The following SLC15A2 variants were observed in gnomAD, a reference collection of about 807,000 sequenced individuals.
SLC15A2 encodes kidney H(+)/peptide cotransporter.
Under a neutral mutation model 95.5 loss-of-function variants are expected in SLC15A2, and 77 were observed. The ratio of observed to expected loss-of-function variants is 0.81; its 90% confidence interval spans 0.67 to 0.97. The LOEUF (loss-of-function observed/expected upper bound fraction) is 0.97, where lower values mean the gene tolerates loss of function less well. Among genes scored for constraint, SLC15A2 ranks in the 50% least tolerant of loss-of-function variants. SLC15A2 has a pLI of 0.00. For synonymous variants in SLC15A2, 306 were observed against 306.9 expected (o/e 1.00, Z 0.03); for missense variants, 893 against 874.4 (o/e 1.02, Z -0.27).
Position 121,915,673 on chromosome 3 carries a change from T to A in SLC15A2, c.677T>A (p.Leu226Gln), listed in dbSNP as rs1156531446. The change falls in exon 7 of 22, where the codon CTG becomes CAG. Residue 226 changes from leucine to glutamine, a missense_variant. Physicochemically the swap from Leu to Gln is moderately radical, Grantham distance 113 (BLOSUM62 -2). Coordinates refer to ENST00000489711, the MANE Select transcript of SLC15A2 (RefSeq NM_021082.4). ...GCATTGGCTTTTGGAGTTCCAGGAC[T>A]GCTCATGGTAATTGCACTTGGTAAG... ...CYALAFGVPGLLMVIALVVFA... is the reference protein window; with the variant it reads ...CYALAFGVPGQLMVIALVVFA... The A allele has an allele frequency of 8.1e-6, 13 of 1,613,650 alleles. No homozygotes were observed. The South Asian group carries it at 1.4e-4, about 18-fold the overall frequency.
At position 121,896,555 on chromosome 3, in the gene SLC15A2, A is replaced by G. The variant is rs910039542; in HGVS notation, c.193+62A>G. On this transcript the variant is annotated intron_variant, in intron 2 of 21. Transcript: ENST00000489711. ...CACCCACCCTCACCCCATGTTTGTG[A>G]CAGCCTGGTCTCTTTATATGCACTT... 3.1e-6 allele frequency: 4 copies of G among 1,278,490 alleles called. No individual in the cohort carries two copies. The African/African-American group carries it at 5.8e-5, about 19-fold the overall frequency. The allele number at this position is 1,278,490 out of a possible 1,614,324, so 79.2% of individuals were successfully genotyped here. A position where few individuals can be genotyped will look rare whatever the true frequency, so the allele number is the denominator to read the frequency against.
At chr3:121,912,022 A>G (rs1433097063) in intron 4 of SLC15A2, among the ~76,000 whole-genome samples, 1 of 152,186 alleles carries the variant, frequency 6.6e-6, no homozygotes, top group African/African-American at 2.4e-5. Context: ...TCATACTCAA[A>G]GCTTTGAATA....
At chr3:121,916,040 G>A (rs1357531) in intron 7 of SLC15A2, among the ~76,000 whole-genome samples, 67,859 of 151,860 alleles carry the variant, frequency 0.45, 15,698 homozygotes, top group East Asian at 0.69. Flanking sequence ...AATATATAGG[G>A]AAGCAAGGAA....
intron 4 of SLC15A2, 142 bp downstream of exon 4, chr3:121,911,808 C>G: frequency 3.1e-6 from 2 of 639,426 alleles, no homozygotes; most frequent in Non-Finnish European, 5.5e-6. Flanking sequence ...GTCTTATGAC[C>G]AGTTGAACTC....
At chr3:121,924,600 A>AT (rs34567530) in intron 12 of SLC15A2, among the ~76,000 whole-genome samples, 67,678 of 151,804 alleles carry the variant, frequency 0.45, 15,632 homozygotes, top group East Asian at 0.69. Flanking sequence ...TAAGCATTGG[A>AT]TTTTTTTCCA....
rs1417546671 is a variant in SLC15A2, at chr3:121,942,167, G to A, written c.*1160G>A. 3 of 152,146 alleles carry A rather than the reference G, an allele frequency of 2.0e-5. No individual in the cohort carries two copies. Among genetic ancestry groups the A allele is most frequent in the African/African-American group, 7.2e-5 (3 of 41,426 alleles). 9.4% of individuals were successfully genotyped at this position (152,146 alleles called of 1,614,324 possible). ...ATGGAAATGTCAATAGAGGAGCATG[G>A]TCCTATGTGAGGTTCCTATCAAAAT... On this transcript the variant is annotated 3_prime_UTR_variant, in exon 22 of 22. Coordinates refer to ENST00000489711, the MANE Select transcript of SLC15A2 (RefSeq NM_021082.4).
Position 121,911,626 on chromosome 3 carries a change from T to C in SLC15A2, c.388T>C (p.Leu130=), listed in dbSNP as rs764466745. 1 of 1,614,020 alleles carries C rather than the reference T, an allele frequency of 6.2e-7. No homozygotes were observed. Among genetic ancestry groups the C allele is most frequent in the South Asian group, 1.1e-5 (1 of 91,072 alleles). Residue 130 remains leucine, a synonymous_variant, in exon 4 of 22, where the codon TTG becomes CTG. Transcript: ENST00000489711. ...TGTGCTTGGCCATGTGATCAAGTCC[T>C]TGGGTGCCTTACCAATACTGGGAGG... ...VYVLGHVIKS[L]GALPILGGQV... is the part of the protein sequence containing the mutation.
chr3:121,919,232 T>C (rs571237425), intron 7 of SLC15A2, among the ~76,000 whole-genome samples: 54 of 152,308 alleles, frequency 3.5e-4, no homozygotes, highest in Non-Finnish European at 5.4e-4. Context: ...ACGGCTCTTT[T>C]ATTCCCGCTG....
Position 121,939,457 on chromosome 3 carries a change from A to T in SLC15A2, c.1870A>T (p.Met624Leu). The T allele has an allele frequency of 6.5e-7, 1 of 1,539,326 alleles. No individual in the cohort carries two copies. Among genetic ancestry groups the T allele is most frequent in the Non-Finnish European group, 8.7e-7 (1 of 1,145,634 alleles). Residue 624 changes from methionine (M) to leucine (L), a missense_variant, in exon 20 of 22, where the codon ATG becomes TTG. By Grantham distance (15) the Met-to-Leu change is conservative. Coordinates refer to ENST00000489711, the MANE Select transcript of SLC15A2 (RefSeq NM_021082.4). Reference sequence around the variant, plus strand: ...TGCCCTGGTTACAGCTGGGGAGGTCATGTTCTCTGTCACAGGTCTTGAGTT... The same window carrying T: ...TGCCCTGGTTACAGCTGGGGAGGTCTTGTTCTCTGTCACAGGTCTTGAGTT... ...QYALVTAGEV[M>L]FSVTGLEFSY...
At chr3:121,933,208 G>A (rs1205450331) in intron 19 of SLC15A2, among the ~76,000 whole-genome samples, 4 of 148,674 alleles carry the variant, frequency 2.7e-5, no homozygotes, top group African/African-American at 7.5e-5. Context: ...TGTGAATAAT[G>A]CCGCAATAAA....
intron 3 of SLC15A2, among the ~76,000 whole-genome samples, chr3:121,908,063 T>A (rs1385193925): frequency 6.6e-6 from 1 of 152,208 alleles, no homozygotes; most frequent in African/African-American, 2.4e-5. Flanking sequence ...AGCTTCTTTG[T>A]TTACCTACTC....
At chr3:121,909,782 AT>A (rs935472730) in intron 3 of SLC15A2, among the ~76,000 whole-genome samples, 3 of 151,100 alleles carry the variant, frequency 2.0e-5, no homozygotes, top group African/African-American at 7.3e-5. Flanking sequence ...CCCAGTACAA[AT>A]TTATAAACTT....
intron 7 of SLC15A2, 101 bp downstream of exon 7, chr3:121,915,794 A>C: frequency 1.2e-6 from 1 of 808,428 alleles, no homozygotes; most frequent in Non-Finnish European, 2.2e-6. Context: ...CAATCCTCAC[A>C]CCAGGCCTAT....
At chr3:121,930,779 CTAACCTCT>C in intron 17 of SLC15A2, 53 bp from the exon 18 acceptor site, 1 of 1,122,018 alleles carries the variant, frequency 8.9e-7, no homozygotes, top group Non-Finnish European at 1.3e-6. Flanking sequence ...TAAAAGGCCC[CTAACCTCT>C]TTTATCAGGT....
Position 121,939,403 on chromosome 3 carries a change from A to C in SLC15A2, c.1816A>C (p.Met606Leu). The change falls in exon 20 of 22, where the codon ATG becomes CTG. Residue 606 changes from methionine to leucine, a missense_variant. By Grantham distance (15) the Met-to-Leu change is conservative (BLOSUM62 2). Transcript: ENST00000489711. ...WKIEDIPANK[M>L]SIAWQLPQYA... ...GATTGAAGACATTCCAGCCAACAAA[A>C]TGTCCATTGCGTGGCAGCTACCACA... The C allele has an allele frequency of 1.9e-6, 3 of 1,582,142 alleles. No homozygotes were observed. The highest frequency in any genetic ancestry group is 2.6e-6 in the Non-Finnish European group (3 of 1,164,780).
At position 121,942,013 on chromosome 3, in the gene SLC15A2, T is replaced by C. The variant is rs1017235187; in HGVS notation, c.*1006T>C. ...TTAGCCTCAAAAATATCAAAGTAGT[T>C]CCTTTTTGATGTTGTTTTCCTGATT... is the stretch of plus-strand genomic sequence containing the variant. On this transcript the variant is annotated 3_prime_UTR_variant, in exon 22 of 22. Coordinates refer to ENST00000489711, the MANE Select transcript of SLC15A2 (RefSeq NM_021082.4). 1 of 152,208 alleles carries C rather than the reference T, an allele frequency of 6.6e-6. No homozygotes were observed. The highest frequency in any genetic ancestry group is 1.5e-5 in the Non-Finnish European group (1 of 68,026). 9.4% of individuals were successfully genotyped at this position (152,208 alleles called of 1,614,324 possible).
At chr3:121,906,016 A>G (rs960358501) in intron 3 of SLC15A2, among the ~76,000 whole-genome samples, 1 of 152,178 alleles carries the variant, frequency 6.6e-6, no homozygotes, top group Non-Finnish European at 1.5e-5. Flanking sequence ...GACTTGCTTT[A>G]TGAATCTGGG....
chr3:121,936,659 T>C (rs1710354489), intron 19 of SLC15A2, among the ~76,000 whole-genome samples: 1 of 151,816 alleles, frequency 6.6e-6, no homozygotes, highest in Non-Finnish European at 1.5e-5. Flanking sequence ...TATGTGTGTC[T>C]CTGCACGTGA....
intron 7 of SLC15A2, among the ~76,000 whole-genome samples, chr3:121,918,393 TA>T (rs960794374): frequency 1.5e-4 from 23 of 152,336 alleles, no homozygotes; most frequent in African/African-American, 5.3e-4. Flanking sequence ...TGTTGCATTT[TA>T]TATGTTCTTG....
Sources: gnomAD v4.1 joint callset for allele counts (sites outside exome capture counted in the v4.1 genomes callset) on GRCh38, gnomAD v4.1.1 for gene constraint, MANE v1.5 for transcripts, NCBI Gene and HGNC (gene_info 2026-07-23, HGNC 2026-07-21) for gene names.